IQCK: variants seen among roughly 807,000 people sequenced by gnomAD.
IQCK encodes IQ domain-containing protein K.
A neutral mutation model predicts 28.1 loss-of-function variants in IQCK; 29 were observed. The observed-to-expected ratio is 1.03, with a 90% CI of 0.77 to 1.41. The LOEUF (loss-of-function observed/expected upper bound fraction) is 1.41, where lower values mean the gene tolerates loss of function less well. Ranked by LOEUF, IQCK falls within the 40% of genes most tolerant of loss-of-function variation. The pLI is 0.00. For synonymous variants in IQCK, 113 were observed against 115.1 expected (o/e 0.98, Z 0.12); for missense variants, 359 against 314.7 (o/e 1.14, Z -1.07).
chr16:19,749,525 T>C (rs1423111673), intron 4 of IQCK, among the ~76,000 whole-genome samples: 1 of 152,186 alleles, frequency 6.6e-6, no homozygotes, highest in South Asian at 2.1e-4. Context: ...TTTAGGAGGC[T>C]GAGGCAAGAG....
intron 1 of IQCK, among the ~76,000 whole-genome samples, chr16:19,719,466 C>T (rs1484207726): frequency 2.0e-5 from 3 of 151,398 alleles, no homozygotes; most frequent in Non-Finnish European, 4.4e-5. Context: ...TGGTGTGCGC[C>T]TATAATCTCA....
intron 7 of IQCK, among the ~76,000 whole-genome samples, chr16:19,804,855 T>G (rs115896145): frequency 0.014 from 2,180 of 152,292 alleles, 50 homozygotes; most frequent in African/African-American, 0.049. Context: ...AAAGAAACCT[T>G]TAGGAGTTGG....
intron 6 of IQCK, among the ~76,000 whole-genome samples, chr16:19,779,496 A>G (rs1005087043): frequency 2.0e-5 from 3 of 152,084 alleles, no homozygotes; most frequent in African/African-American, 7.2e-5. Flanking sequence ...GGGAATAAAA[A>G]TATGAAAAGT....
chr16:19,739,975 G>T (rs1262753898), intron 4 of IQCK, among the ~76,000 whole-genome samples: 4 of 152,202 alleles, frequency 2.6e-5, no homozygotes, highest in South Asian at 2.1e-4. Flanking sequence ...ACACAGAGAA[G>T]TTGAGCATTA....
At chr16:19,828,231 CTT>C (rs749049124), downstream of IQCK, among the ~76,000 whole-genome samples, 12,665 of 106,576 alleles carry the variant, frequency 0.12, 560 homozygotes, top group African/African-American at 0.15. Flanking sequence ...TCTTTCTTTT[CTT>C]TTTTTTTTTT....
intron 1 of IQCK, among the ~76,000 whole-genome samples, chr16:19,719,211 A>C (rs1977387714): frequency 6.6e-6 from 1 of 152,136 alleles, no homozygotes; most frequent in South Asian, 2.1e-4. Flanking sequence ...GGAGGGCAAA[A>C]GGATTATTGG....
intron 1 of IQCK, among the ~76,000 whole-genome samples, chr16:19,724,647 G>A: frequency 6.6e-6 from 1 of 152,030 alleles, no homozygotes; most frequent in East Asian, 1.9e-4. Context: ...TCCTGCCTCA[G>A]CGTCCTGAGT....
intron 7 of IQCK, among the ~76,000 whole-genome samples, chr16:19,808,909 G>A (rs2055865795): frequency 6.6e-6 from 1 of 152,240 alleles, no homozygotes; most frequent in Non-Finnish European, 1.5e-5. Context: ...CCAGGCTGGA[G>A]TGCAATGGCG....
chr16:19,836,910 C>T (rs1017304098), intron 9 of IQCK, among the ~76,000 whole-genome samples: 6 of 152,146 alleles, frequency 3.9e-5, no homozygotes, highest in African/African-American at 1.4e-4. Context: ...TGTGCAACCT[C>T]GAGCAGGTTG....
At chr16:19,767,961 C>A (rs1373984721) in intron 6 of IQCK, among the ~76,000 whole-genome samples, 3 of 150,794 alleles carry the variant, frequency 2.0e-5, no homozygotes, top group African/African-American at 7.3e-5. Context: ...CTAACTTCAC[C>A]CAGAATGACT....
intron 6 of IQCK, among the ~76,000 whole-genome samples, chr16:19,784,843 A>G (rs2055540775): frequency 6.6e-6 from 1 of 152,170 alleles, no homozygotes; most frequent in Non-Finnish European, 1.5e-5. Flanking sequence ...ATCTTGGCTC[A>G]CTGCAACCTC....
intron 7 of IQCK, among the ~76,000 whole-genome samples, chr16:19,823,932 T>TAAA (rs60256068): frequency 1.4e-3 from 197 of 143,994 alleles, no homozygotes; most frequent in African/African-American, 5.0e-3. Context: ...GACTCCCTCT[T>TAAA]AAAAAATAAA....
intron 1 of IQCK, among the ~76,000 whole-genome samples, chr16:19,723,208 C>G (rs981954696): frequency 6.6e-6 from 1 of 151,666 alleles, no homozygotes. Context: ...AGGCAGGCCT[C>G]CTTCCAGACC....
intron 4 of IQCK, chr16:19,736,153 G>A (rs1264591407): frequency 2.2e-6 from 1 of 455,956 alleles, no homozygotes; most frequent in Admixed American, 2.3e-5. Flanking sequence ...CATGCCAACT[G>A]TCATGAATGT....
At chr16:19,856,435 G>A in intron 9 of IQCK, 52 bp from the exon 9 acceptor site, 2 of 1,488,018 alleles carry the variant, frequency 1.3e-6, no homozygotes, top group Non-Finnish European at 1.9e-6. Context: ...CCAATGACAA[G>A]CCTGTCTACG....
At chr16:19,832,811 G>A (rs567381307) in intron 9 of IQCK, among the ~76,000 whole-genome samples, 6 of 152,218 alleles carry the variant, frequency 3.9e-5, no homozygotes, top group Admixed American at 1.3e-4. Context: ...AGCAAGGCAC[G>A]TCTTATATGG....
At chr16:19,769,001 T>C (rs1207488116) in intron 6 of IQCK, among the ~76,000 whole-genome samples, 4 of 152,152 alleles carry the variant, frequency 2.6e-5, no homozygotes, top group Non-Finnish European at 5.9e-5. Context: ...AGGGCCCAAC[T>C]GGGGCTGGAG....
At chr16:19,743,286 G>A (rs2054862695) in intron 4 of IQCK, among the ~76,000 whole-genome samples, 1 of 152,214 alleles carries the variant, frequency 6.6e-6, no homozygotes, top group South Asian at 2.1e-4. Flanking sequence ...ATTACACACA[G>A]GAGGTAATTT....
chr16:19,835,401 GCCAGCACACACAGAT>G (rs2056282389), intron 9 of IQCK, among the ~76,000 whole-genome samples: 1 of 151,982 alleles, frequency 6.6e-6, no homozygotes. Flanking sequence ...TCTGCTTCAT[GCCAGCACACACAGAT>G]CTATCCCATT....
Sources: allele counts gnomAD v4.1 joint callset (sites outside exome capture counted in the v4.1 genomes callset), GRCh38; gene constraint gnomAD v4.1.1; transcripts MANE v1.5; gene names NCBI Gene and HGNC (gene_info 2026-07-23, HGNC 2026-07-21).